Variants in MAGI2 observed in about 807,000 individuals in gnomAD.
MAGI2 encodes the protein membrane-associated guanylate kinase, WW and PDZ domain-containing protein 2.
A neutral mutation model predicts 133.3 loss-of-function variants in MAGI2; 35 were observed. That is an observed-to-expected ratio of 0.26 (90% CI 0.20 to 0.35). MAGI2 has a LOEUF of 0.35. Ranked by LOEUF, MAGI2 falls within the 10% of genes least tolerant of loss-of-function variation. The probability of loss-of-function intolerance (pLI) is 1.00; values close to 1 mark genes in which losing one functional copy is unlikely to be tolerated. For missense variants in MAGI2, 1,636 were observed against 1,863.4 expected (o/e 0.88, Z 2.25); for synonymous variants, 729 against 710.6 (o/e 1.03, Z -0.41).
chr7:78,921,433 A>G (rs912161027), intron 2 of MAGI2, among the ~76,000 whole-genome samples: 1 of 152,096 alleles, frequency 6.6e-6, no homozygotes, highest in African/African-American at 2.4e-5. Flanking sequence ...GTTGGGTGGA[A>G]CCACAGAGTC....
chr7:78,355,002 C>A (rs1791916081), intron 7 of MAGI2, among the ~76,000 whole-genome samples: 1 of 152,060 alleles, frequency 6.6e-6, no homozygotes, highest in Non-Finnish European at 1.5e-5. Context: ...AGAAAGGTGG[C>A]AATAAGTTGC....
chr7:79,354,123 A>C (rs1841862666), intron 1 of MAGI2: 1 of 152,234 alleles, frequency 6.6e-6, no homozygotes, highest in African/African-American at 2.4e-5. Flanking sequence ...TGTGACCTTG[A>C]GCTACCAGCA....
chr7:78,934,174 TCA>T (rs1164110509), intron 2 of MAGI2, among the ~76,000 whole-genome samples: 7 of 152,178 alleles, frequency 4.6e-5, no homozygotes, highest in African/African-American at 1.4e-4. Context: ...CAATCTCAGC[TCA>T]CTGCAACCTT....
intron 1 of MAGI2, among the ~76,000 whole-genome samples, chr7:79,260,065 C>A (rs2129556326): frequency 6.6e-6 from 1 of 152,274 alleles, no homozygotes; most frequent in Middle Eastern, 3.4e-3. Context: ...TTTGCAAGTG[C>A]AGTACAAGGC....
intron 10 of MAGI2, among the ~76,000 whole-genome samples, chr7:78,209,023 C>A (rs1436649383): frequency 6.7e-6 from 1 of 149,632 alleles, no homozygotes; most frequent in Non-Finnish European, 1.5e-5. Flanking sequence ...GAGATCGAGA[C>A]CATCTGGGCT....
chr7:78,919,651 G>A (rs1003079219), intron 2 of MAGI2, among the ~76,000 whole-genome samples: 8 of 152,014 alleles, frequency 5.3e-5, no homozygotes, highest in Non-Finnish European at 7.4e-5. Flanking sequence ...TTTAATATAC[G>A]TGTAGTTTTA....
At chr7:78,742,989 C>T (rs1342519424) in intron 2 of MAGI2, among the ~76,000 whole-genome samples, 1 of 152,206 alleles carries the variant, frequency 6.6e-6, no homozygotes, top group Non-Finnish European at 1.5e-5. Context: ...CATGCTGCTC[C>T]AGCCCTCTCT....
intron 1 of MAGI2, among the ~76,000 whole-genome samples, chr7:79,247,553 T>C (rs963025936): frequency 2.6e-5 from 4 of 152,110 alleles, no homozygotes; most frequent in African/African-American, 9.7e-5. Flanking sequence ...ATCGAGGCTA[T>C]AGTGAGCTGT....
At chr7:78,779,404 A>G (rs1826230393) in intron 2 of MAGI2, among the ~76,000 whole-genome samples, 1 of 152,200 alleles carries the variant, frequency 6.6e-6, no homozygotes, top group Non-Finnish European at 1.5e-5. Flanking sequence ...ACTTTCCTGA[A>G]GGCACCTGAG....
At chr7:78,690,789 T>A (rs1289598973) in intron 2 of MAGI2, among the ~76,000 whole-genome samples, 2 of 152,200 alleles carry the variant, frequency 1.3e-5, no homozygotes, top group Non-Finnish European at 2.9e-5. Context: ...ATTGCTTAAA[T>A]ACAGGTCCCT....
intron 3 of MAGI2, among the ~76,000 whole-genome samples, chr7:78,550,733 T>TA (rs1799261715): frequency 1.3e-5 from 2 of 151,286 alleles, no homozygotes; most frequent in South Asian, 4.2e-4. Context: ...AGAATACTGT[T>TA]AGTGTTGAGC....
intron 2 of MAGI2, among the ~76,000 whole-genome samples, chr7:78,909,618 A>G (rs1798256992): frequency 6.6e-6 from 1 of 150,718 alleles, no homozygotes; most frequent in South Asian, 2.1e-4. Flanking sequence ...AAAAAAAAAA[A>G]AAAAAAAAGT....
In MAGI2 at chr7:78,343,796, C is replaced by G. The variant is rs767065967; in HGVS notation, c.1390G>C (p.Asp464His). Residue 464 changes from aspartate to histidine, a missense_variant, in exon 9 of 22, where the codon GAT becomes CAT. By Grantham distance (81) the Asp-to-His change is moderately conservative. Coordinates refer to ENST00000354212, the MANE Select transcript of MAGI2 (RefSeq NM_012301.4). ...ACCTTACCTGTTTCCATTTTTCCATCCTGTGCTGCAGGCCCATCCGGAATC... is the reference window on the plus strand; with the variant it reads ...ACCTTACCTGTTTCCATTTTTCCATGCTGTGCTGCAGGCCCATCCGGAATC... ...SVIPDGPAAQDGKMETGDVIV... is the reference protein window; with the variant it reads ...SVIPDGPAAQHGKMETGDVIV... 3.8e-6 allele frequency: 6 copies of G among 1,580,870 alleles called. No individual in the cohort carries two copies. Among genetic ancestry groups the G allele is most frequent in the Non-Finnish European group, 5.1e-6 (6 of 1,168,014 alleles).
chr7:78,274,100 G>C (rs908509677), intron 9 of MAGI2, among the ~76,000 whole-genome samples: 1 of 152,088 alleles, frequency 6.6e-6, no homozygotes, highest in Non-Finnish European at 1.5e-5. Context: ...TTGATGTTGG[G>C]GACCTTCGGA....
intron 2 of MAGI2, among the ~76,000 whole-genome samples, chr7:78,714,984 A>T (rs1034415958): frequency 6.6e-6 from 1 of 152,182 alleles, no homozygotes; most frequent in Admixed American, 6.5e-5. Context: ...CCTTATAAAC[A>T]TTCCCTAATA....
chr7:78,505,517 TG>T (rs561328669), intron 4 of MAGI2, among the ~76,000 whole-genome samples: 227 of 152,298 alleles, frequency 1.5e-3, no homozygotes, highest in African/African-American at 4.9e-3. Context: ...ATACATACTG[TG>T]GTACGCACAT....
At chr7:78,966,487 T>C (rs1803318316) in intron 2 of MAGI2, among the ~76,000 whole-genome samples, 1 of 152,162 alleles carries the variant, frequency 6.6e-6, no homozygotes, top group Admixed American at 6.6e-5. Flanking sequence ...TCATCCATGT[T>C]ATCCTATATG....
chr7:78,586,495 GC>G (rs781177598), intron 3 of MAGI2, among the ~76,000 whole-genome samples: 3 of 152,136 alleles, frequency 2.0e-5, no homozygotes, highest in Non-Finnish European at 4.4e-5. Flanking sequence ...TCAAGTCTGG[GC>G]AATAAGGCAG....
chr7:78,741,244 G>A (rs929667971), intron 2 of MAGI2, among the ~76,000 whole-genome samples: 1 of 151,908 alleles, frequency 6.6e-6, no homozygotes, highest in African/African-American at 2.4e-5. Context: ...CTTTCAAACA[G>A]GTTTAAATAC....
Sources: gnomAD v4.1 joint callset for allele counts (sites outside exome capture counted in the v4.1 genomes callset) on GRCh38, gnomAD v4.1.1 for gene constraint, MANE v1.5 for transcripts, NCBI Gene and HGNC (gene_info 2026-07-23, HGNC 2026-07-21) for gene names.